Variants in KPNA5 observed in about 807,000 individuals in gnomAD.
KPNA5 encodes karyopherin subunit alpha 5, also known as importin subunit alpha-6.
In KPNA5, 46 loss-of-function variants were observed where a neutral mutation model predicts 71.3. The observed-to-expected ratio is 0.65, with a 90% CI of 0.51 to 0.83. The LOEUF (loss-of-function observed/expected upper bound fraction) is 0.83. Among genes scored for constraint, KPNA5 ranks in the 40% least tolerant of loss-of-function variants. The pLI, the probability that KPNA5 is intolerant of heterozygous loss-of-function variation, is 0.00. For missense variants in KPNA5, 547 were observed against 628.3 expected (o/e 0.87, Z 1.38); for synonymous variants, 207 against 201.4 (o/e 1.03, Z -0.24).
At chr6:116,683,144 A>G (rs1353616834) in intron 1 of KPNA5, among the ~76,000 whole-genome samples, 1 of 152,242 alleles carries the variant, frequency 6.6e-6, no homozygotes, top group Admixed American at 6.5e-5. Context: ...GTAAGAAAAT[A>G]TTAGAACTTC....
At chr6:116,699,008 A>G (rs1694815484) in intron 5 of KPNA5, among the ~76,000 whole-genome samples, 1 of 152,090 alleles carries the variant, frequency 6.6e-6, no homozygotes, top group African/African-American at 2.4e-5. Flanking sequence ...AATTTTGGAA[A>G]AAGTATATAA....
Position 116,681,265 on chromosome 6 carries a change from C to T in KPNA5, c.-70C>T. On this transcript the variant is annotated 5_prime_UTR_variant, in exon 1 of 14. Transcript: ENST00000368564. Reference sequence around the variant, plus strand: ...TTCACGCCAGGGGCGGAGTGGCGGCCCTTCTGTTACCCGCCACACACGTCG... The same window carrying T: ...TTCACGCCAGGGGCGGAGTGGCGGCTCTTCTGTTACCCGCCACACACGTCG... 1 of 1,597,686 alleles carries T rather than the reference C, an allele frequency of 6.3e-7. No individual in the cohort carries two copies. Among genetic ancestry groups the T allele is most frequent in the Non-Finnish European group, 8.6e-7 (1 of 1,168,818 alleles).
intron 4 of KPNA5, among the ~76,000 whole-genome samples, chr6:116,693,344 T>G (rs1172189738): frequency 2.6e-5 from 4 of 152,208 alleles, no homozygotes; most frequent in African/African-American, 9.6e-5. Flanking sequence ...TAGTTTACAG[T>G]CCCACCAACA....
intron 1 of KPNA5, chr6:116,681,596 G>A (rs1261292573): frequency 1.7e-6 from 2 of 1,163,794 alleles, no homozygotes; most frequent in Admixed American, 8.7e-5. Context: ...GTGATGGGCA[G>A]CTGGTCTCAT....
chr6:116,681,577 T>G (rs2114336502), intron 1 of KPNA5: 3 of 1,234,880 alleles, frequency 2.4e-6, no homozygotes, highest in Non-Finnish European at 3.1e-6. Flanking sequence ...TTTCAGCAGG[T>G]CCTCTGGAGT....
At chr6:116,684,787 A>G (rs1777504728) in intron 1 of KPNA5, among the ~76,000 whole-genome samples, 2 of 152,196 alleles carry the variant, frequency 1.3e-5, no homozygotes, top group Admixed American at 6.5e-5. Context: ...ATGTGCACCA[A>G]GTACTACACA....
At chr6:116,692,481 C>T (rs1483899355) in intron 4 of KPNA5, 89 bp downstream of exon 4, 2 of 798,272 alleles carry the variant, frequency 2.5e-6, no homozygotes, top group African/African-American at 3.6e-5. Flanking sequence ...TTTTAAAATA[C>T]CTTTCTTTGC....
intron 8 of KPNA5, among the ~76,000 whole-genome samples, chr6:116,719,243 CTTTG>C (rs1174046094): frequency 2.6e-5 from 4 of 152,064 alleles, no homozygotes; most frequent in African/African-American, 7.2e-5. Context: ...TTTTTGGCAT[CTTTG>C]TTTCTTTGTG....
intron 5 of KPNA5, among the ~76,000 whole-genome samples, chr6:116,700,491 C>A (rs1218100536): frequency 6.6e-6 from 1 of 152,066 alleles, no homozygotes; most frequent in Non-Finnish European, 1.5e-5. Flanking sequence ...CAAACACACA[C>A]ACACTGAGAA....
At chr6:116,732,100 A>AC (rs1554258573) in intron 13 of KPNA5, 36 bp from the exon 14 acceptor site, 1 of 201,808 alleles carries the variant, frequency 5.0e-6, no homozygotes. Flanking sequence ...ATATATATAT[A>AC]TATATATATA....
intron 8 of KPNA5, among the ~76,000 whole-genome samples, chr6:116,716,803 A>C (rs1288519847): frequency 6.6e-6 from 1 of 152,052 alleles, no homozygotes; most frequent in Non-Finnish European, 1.5e-5. Flanking sequence ...GTAAATTTTT[A>C]GAATACCATT....
intron 1 of KPNA5, among the ~76,000 whole-genome samples, chr6:116,684,659 G>C (rs1156731439): frequency 6.6e-6 from 1 of 152,080 alleles, no homozygotes; most frequent in Non-Finnish European, 1.5e-5. Flanking sequence ...TGGTCCCCAA[G>C]ATTTCTCCTT....
chr6:116,729,523 CT>C, intron 12 of KPNA5, 39 bp from the exon 13 acceptor site: 6 of 1,301,938 alleles, frequency 4.6e-6, no homozygotes, highest in Non-Finnish European at 6.1e-6. Flanking sequence ...CTTTTTAAAT[CT>C]TTTTTTCCCT....
At position 116,702,101 on chromosome 6, in the gene KPNA5, C is replaced by T. The variant is rs201634087; in HGVS notation, c.518C>T (p.Pro173Leu). ...GTAGTGATTGAAACTGGGGCTGTTC[C>T]GATTTTTATCAAACTTCTTAATTCT... Reference protein sequence around the residue: ...TKVVIETGAVPIFIKLLNSEH... With the variant: ...TKVVIETGAVLIFIKLLNSEH... Residue 173 changes from proline to leucine, a missense_variant, in exon 6 of 14, where the codon CCG (proline) becomes CTG (leucine). Coordinates refer to ENST00000368564, the MANE Select transcript of KPNA5 (RefSeq NM_001366306.2). 6.2e-6 allele frequency: 10 copies of T among 1,613,724 alleles called. No homozygotes were observed. The highest frequency in any genetic ancestry group is 1.3e-5 in the African/African-American group (1 of 74,988).
intron 7 of KPNA5, 118 bp from the exon 8 acceptor site, chr6:116,716,101 C>T (rs1037633939): frequency 1.2e-5 from 8 of 685,036 alleles, no homozygotes; most frequent in African/African-American, 1.1e-4. Flanking sequence ...ATTCTTTTTT[C>T]CTATTTTGCT....
chr6:116,686,297 T>C (rs1412649869), intron 1 of KPNA5, among the ~76,000 whole-genome samples: 3 of 151,952 alleles, frequency 2.0e-5, no homozygotes, highest in Admixed American at 2.0e-4. Flanking sequence ...ATTTCTCTAA[T>C]GATCAGTGAT....
rs1779655844 is a variant in KPNA5 at position 116,735,978 on chromosome 6, T to G, written c.*3655T>G. ...AAGAAAATGTTTTCAAGAAGCAAAT[T>G]GGTGAAAAGGGTGGAAAAAAGATAT... On this transcript the variant is annotated 3_prime_UTR_variant, in exon 14 of 14. Transcript: ENST00000368564. 6.6e-6 allele frequency: 1 copy of G among 151,706 alleles called. No homozygotes were observed. The highest frequency in any genetic ancestry group is 2.1e-4 in the South Asian group (1 of 4,830). 9.4% of individuals were successfully genotyped at this position (151,706 alleles called of 1,614,324 possible). A position where few individuals can be genotyped will look rare whatever the true frequency, so the allele number is the denominator to read the frequency against.
intron 7 of KPNA5, among the ~76,000 whole-genome samples, chr6:116,709,967 G>A (rs926374647): frequency 6.6e-6 from 1 of 151,950 alleles, no homozygotes; most frequent in Non-Finnish European, 1.5e-5. Flanking sequence ...CACCATGTTG[G>A]CCAGGATGGT....
chr6:116,693,129 C>A, intron 4 of KPNA5, among the ~76,000 whole-genome samples: 1 of 152,178 alleles, frequency 6.6e-6, no homozygotes. Flanking sequence ...TTAATCCAGT[C>A]TATCATTGTT....
Sources: gnomAD v4.1 joint callset for allele counts (sites outside exome capture counted in the v4.1 genomes callset) on GRCh38, gnomAD v4.1.1 for gene constraint, MANE v1.5 for transcripts, NCBI Gene and HGNC (gene_info 2026-07-23, HGNC 2026-07-21) for gene names.